The following PEMT variants were observed in gnomAD, a reference collection of about 807,000 sequenced individuals.
The protein encoded by PEMT is phospholipid methyltransferase.
Under a neutral mutation model 27.4 loss-of-function variants are expected in PEMT, and 23 were observed. That is an observed-to-expected ratio of 0.84 (90% CI 0.60 to 1.19). The LOEUF (loss-of-function observed/expected upper bound fraction) is 1.19, where lower values mean the gene tolerates loss of function less well. Ranked by LOEUF, PEMT falls within the 50% of genes most tolerant of loss-of-function variation. PEMT has a pLI of 0.00. For missense variants in PEMT, 307 were observed against 310.1 expected (o/e 0.99, Z 0.07); for synonymous variants, 137 against 139.1 (o/e 0.98, Z 0.11).
intron 2 of PEMT, among the ~76,000 whole-genome samples, chr17:17,531,371 T>G (rs1406593295): frequency 1.3e-5 from 2 of 151,780 alleles, no homozygotes; most frequent in African/African-American, 2.4e-5. Context: ...ATGGTCTCAG[T>G]CTGTCTCAGT....
intron 3 of PEMT, among the ~76,000 whole-genome samples, chr17:17,517,225 C>T (rs1363214096): frequency 6.6e-6 from 1 of 152,184 alleles, no homozygotes; most frequent in African/African-American, 2.4e-5. Flanking sequence ...ATCCAGCCTC[C>T]TGGACACAGA....
chr17:17,569,555 G>A (rs1597948924), intron 2 of PEMT, among the ~76,000 whole-genome samples: 2 of 152,174 alleles, frequency 1.3e-5, no homozygotes, highest in Non-Finnish European at 1.5e-5. Context: ...GGAGGAAACC[G>A]GCGTGACCCC....
At chr17:17,522,197 G>A (rs1407006506) in intron 3 of PEMT, 83 bp downstream of exon 3, 11 of 974,266 alleles carry the variant, frequency 1.1e-5, no homozygotes, top group African/African-American at 3.2e-5. Context: ...AGGCTCCCGC[G>A]TGGTGAGGGA....
intron 2 of PEMT, among the ~76,000 whole-genome samples, chr17:17,550,351 A>T (rs1244701107): frequency 6.6e-6 from 1 of 152,170 alleles, no homozygotes; most frequent in African/African-American, 2.4e-5. Flanking sequence ...GTCGAATTTG[A>T]AACAAGAGTC....
intron 2 of PEMT, among the ~76,000 whole-genome samples, chr17:17,569,973 C>T (rs2142723038): frequency 6.6e-6 from 1 of 152,216 alleles, no homozygotes; most frequent in East Asian, 1.9e-4. Context: ...TCTTTACCTC[C>T]ATGCAGTGCT....
At chr17:17,544,995 G>A (rs754698935) in intron 2 of PEMT, among the ~76,000 whole-genome samples, 11 of 152,224 alleles carry the variant, frequency 7.2e-5, no homozygotes, top group Non-Finnish European at 1.5e-4. Flanking sequence ...AGGTGGGCCC[G>A]GGCCCGGGTT....
chr17:17,570,999 C>T (rs2142726031), intron 2 of PEMT: 1 of 751,896 alleles, frequency 1.3e-6, no homozygotes, highest in East Asian at 1.3e-4. Context: ...CCACGTAGGG[C>T]CACAGTGCCT....
chr17:17,511,345 G>A (rs1440630618), intron 4 of PEMT, among the ~76,000 whole-genome samples: 1 of 152,206 alleles, frequency 6.6e-6, no homozygotes, highest in East Asian at 1.9e-4. Flanking sequence ...AACTGCCTGT[G>A]GGTGCCCCCC....
chr17:17,523,691 G>C lies in PEMT; in HGVS notation c.205-1296C>G, dbSNP rs773362590. Among the ~76,000 whole-genome samples, 1 of 152,126 alleles carries C rather than the reference G, an allele frequency of 6.6e-6. No individual in the cohort carries two copies. The highest frequency in any genetic ancestry group is 1.5e-5 in the Non-Finnish European group (1 of 68,026). On this transcript the variant is annotated intron_variant, in intron 2 of 6. Transcript: ENST00000255389. The surrounding 1 kb of genome is among the most constrained non-coding windows in gnomAD (Gnocchi z 4.8). ...AAAGGCGGAAGGAATAAGCGCTGCAGGGGTGAGGAGGGGGCTGCGGTGACC... is the reference window on the plus strand; with the variant it reads ...AAAGGCGGAAGGAATAAGCGCTGCACGGGTGAGGAGGGGGCTGCGGTGACC...
At chr17:17,591,406 A>AC in intron 1 of PEMT, 125 bp downstream of exon 1, 6 of 553,850 alleles carry the variant, frequency 1.1e-5, no homozygotes, top group Admixed American at 3.6e-5. Context: ...CCGCCACGCC[A>AC]CGCCCCCATT....
chr17:17,537,296 G>A (rs546039854), intron 2 of PEMT, among the ~76,000 whole-genome samples: 11 of 152,270 alleles, frequency 7.2e-5, no homozygotes, highest in South Asian at 4.2e-4. Context: ...CCTGCTCCTG[G>A]GCCTGGCCCC....
At chr17:17,567,000 C>T (rs940197972) in intron 2 of PEMT, among the ~76,000 whole-genome samples, 5 of 152,244 alleles carry the variant, frequency 3.3e-5, no homozygotes, top group African/African-American at 9.6e-5. Flanking sequence ...CGCTGCCTTT[C>T]GGTTAGGGTG....
intron 2 of PEMT, among the ~76,000 whole-genome samples, chr17:17,566,761 C>T (rs1910852472): frequency 6.6e-6 from 1 of 152,232 alleles, no homozygotes; most frequent in South Asian, 2.1e-4. Flanking sequence ...TCAGGAGATG[C>T]ACCCAACTGG....
Position 17,535,062 on chromosome 17 carries a change from C to A in PEMT, c.205-12667G>T, listed in dbSNP as rs1442183015. 3.3e-5 allele frequency among the ~76,000 whole-genome samples: 5 copies of A among 152,004 alleles called. No homozygotes were observed. The East Asian group carries it at 9.8e-4, about 30-fold the overall frequency. ...AGTAGCTGCGATTACAGGTGTGCGC[C>A]CCTATGCCTGGTTAATTTTTGTATT... On this transcript the variant is annotated intron_variant, in intron 2 of 6. Transcript: ENST00000255389.
At chr17:17,528,146 C>T (rs554046203) in intron 2 of PEMT, among the ~76,000 whole-genome samples, 12 of 152,352 alleles carry the variant, frequency 7.9e-5, no homozygotes, top group East Asian at 3.9e-4. Context: ...GTTTAGAGGA[C>T]GTGGGCCGTG....
At chr17:17,586,880 G>A (rs1912345277) in intron 1 of PEMT, among the ~76,000 whole-genome samples, 3 of 152,110 alleles carry the variant, frequency 2.0e-5, no homozygotes, top group Admixed American at 2.0e-4. Context: ...GAGGGCGCCT[G>A]TAATCCTAGC....
In PEMT at chr17:17,530,787, C is replaced by T. The variant is rs143712577; in HGVS notation, c.205-8392G>A. 3.3e-5 allele frequency among the ~76,000 whole-genome samples: 5 copies of T among 151,998 alleles called. No individual in the cohort carries two copies. In the East Asian group the frequency reaches 7.7e-4, roughly 24 times the overall value. The stretch of plus-strand genomic sequence containing the variant: ...ATCCAAGCTTCCTATAAAAGTGGTA[C>T]AAAAATGAAATTGAAAGGTTGAACA... On this transcript the variant is annotated intron_variant, in intron 2 of 6. Coordinates refer to ENST00000255389, the MANE Select transcript of PEMT (RefSeq NM_148172.3).
At position 17,522,317 on chromosome 17, in the gene PEMT, C is replaced by T. The variant is rs897453; in HGVS notation, c.283G>A (p.Val95Ile). 665,161 of 1,612,294 alleles carry T rather than the reference C, an allele frequency of 0.41. 147,564 individuals carry two copies. Among genetic ancestry groups the T allele is most frequent in the Non-Finnish European group, 0.47 (550,932 of 1,178,554 alleles). ...SPYLACYSLSVTILLLNFLRS... is the reference protein window; with the variant it reads ...SPYLACYSLSITILLLNFLRS... The stretch of plus-strand genomic sequence containing the variant: ...AGGAAGTTCAGGAGCAGGATGGTGA[C>T]GCTTAGAGAGTAGCAGGCCAGGTAG... Residue 95 changes from valine (V) to isoleucine (I), a missense_variant, in exon 3 of 7, where the codon GTC (valine) becomes ATC (isoleucine). Val to Ile is a conservative substitution (Grantham distance 29). Coordinates refer to ENST00000255389, the MANE Select transcript of PEMT (RefSeq NM_148172.3).
chr17:17,505,622 T>G lies in PEMT; in HGVS notation c.*169A>C. ...TGTGTGGGTTGGAGCTCAATGGCCATATGTCGGCACGTCCAGGGTCCCCAA... is the reference window on the plus strand; with the variant it reads ...TGTGTGGGTTGGAGCTCAATGGCCAGATGTCGGCACGTCCAGGGTCCCCAA... On this transcript the variant is annotated 3_prime_UTR_variant, in exon 7 of 7. Coordinates refer to ENST00000255389, the MANE Select transcript of PEMT (RefSeq NM_148172.3). 1 of 609,002 alleles carries G rather than the reference T, an allele frequency of 1.6e-6. No individual in the cohort carries two copies. The highest frequency in any genetic ancestry group is 3.4e-5 in the East Asian group (1 of 29,742). 37.7% of individuals were successfully genotyped at this position (609,002 alleles called of 1,614,324 possible).
Sources: allele counts gnomAD v4.1 joint callset (sites outside exome capture counted in the v4.1 genomes callset), GRCh38; gene constraint gnomAD v4.1.1; non-coding constraint Gnocchi (gnomAD v3.1); transcripts MANE v1.5; gene names NCBI Gene and HGNC (gene_info 2026-07-23, HGNC 2026-07-21).